PTN: variants seen among roughly 807,000 people sequenced by gnomAD.
PTN encodes heparin affin regulatory protein.
A neutral mutation model predicts 24.1 loss-of-function variants in PTN; 18 were observed. The ratio of observed to expected loss-of-function variants is 0.75; its 90% confidence interval spans 0.52 to 1.11. The LOEUF (loss-of-function observed/expected upper bound fraction) is 1.11. PTN is among the 50% of genes least tolerant of loss of function. The probability of loss-of-function intolerance (pLI) is 0.00; values close to 1 mark genes in which losing one functional copy is unlikely to be tolerated. For synonymous variants in PTN, 78 were observed against 68.6 expected (o/e 1.14, Z -0.67); for missense variants, 163 against 198.8 (o/e 0.82, Z 1.08).
chr7:137,238,273 A>T (rs1405403089), intron 4 of PTN, among the ~76,000 whole-genome samples: 2 of 152,188 alleles, frequency 1.3e-5, no homozygotes, highest in Admixed American at 1.3e-4. Context: ...TAGGAATGTC[A>T]TAGCGGAGGG....
intron 1 of PTN, among the ~76,000 whole-genome samples, chr7:137,289,274 T>C (rs1242459414): frequency 6.6e-6 from 1 of 152,210 alleles, no homozygotes; most frequent in Non-Finnish European, 1.5e-5. Flanking sequence ...CCCTAGCACT[T>C]TATCTTTCAA....
chr7:137,327,636 AAAAAG>A (rs1275242545), intron 1 of PTN, among the ~76,000 whole-genome samples: 7 of 152,160 alleles, frequency 4.6e-5, no homozygotes, highest in South Asian at 2.1e-4. Context: ...TCTCTAAAAG[AAAAAG>A]AAAAGAAAAT....
intron 1 of PTN, among the ~76,000 whole-genome samples, chr7:137,317,953 A>G (rs1441773649): frequency 6.6e-6 from 1 of 152,140 alleles, no homozygotes; most frequent in Non-Finnish European, 1.5e-5. Flanking sequence ...TAGACAAGAT[A>G]GACTTGACCC....
At chr7:137,233,508 C>T (rs907770571) in intron 4 of PTN, among the ~76,000 whole-genome samples, 3 of 151,916 alleles carry the variant, frequency 2.0e-5, no homozygotes, top group African/African-American at 7.3e-5. Context: ...TAAAGGTGAA[C>T]AAGACAAAAC....
chr7:137,288,851 C>G (rs1168057962), intron 1 of PTN, among the ~76,000 whole-genome samples: 1 of 152,040 alleles, frequency 6.6e-6, no homozygotes, highest in Non-Finnish European at 1.5e-5. Flanking sequence ...AAAATCATAC[C>G]TTCTGCTGGA....
In PTN at chr7:137,343,664, CGGG is replaced by C. The variant is rs1562977311; in HGVS notation, c.-230_-228del. On this transcript the variant is annotated 5_prime_UTR_variant, in exon 1 of 5. Transcript: ENST00000348225. ...TTGGCGGGATTTTTGGACTGGAAGG[CGGG>C]GAACCTGATCCTGCCTTTGACTCAA... is the stretch of plus-strand genomic sequence containing the variant. 5.8e-6 allele frequency: 3 copies of C among 515,730 alleles called. No homozygotes were observed. Among genetic ancestry groups the C allele is most frequent in the Non-Finnish European group, 1.2e-5 (3 of 258,332 alleles). 31.9% of individuals were successfully genotyped at this position (515,730 alleles called of 1,614,324 possible).
chr7:137,322,173 A>G (rs1157935350), intron 1 of PTN, among the ~76,000 whole-genome samples: 2 of 152,024 alleles, frequency 1.3e-5, no homozygotes, highest in East Asian at 1.9e-4. Flanking sequence ...CTTTTCCTTA[A>G]TTGAGAATGA....
intron 1 of PTN, among the ~76,000 whole-genome samples, chr7:137,278,306 CAAAAAAAAAAAAAAAAAA>C (rs71176391): frequency 1.6e-5 from 1 of 62,844 alleles, no homozygotes. Context: ...GACTCCGTCT[CAAAAAAAAAAAAAAAAAA>C]AAAAAAAAAA....
chr7:137,342,507 T>G (rs1218339522), intron 1 of PTN, among the ~76,000 whole-genome samples: 9 of 141,540 alleles, frequency 6.4e-5, no homozygotes, highest in African/African-American at 1.8e-4. Flanking sequence ...AGAGTGTATA[T>G]AAACTGCATG....
At chr7:137,314,176 C>T (rs1159996829) in intron 1 of PTN, among the ~76,000 whole-genome samples, 1 of 152,090 alleles carries the variant, frequency 6.6e-6, no homozygotes, top group Non-Finnish European at 1.5e-5. Flanking sequence ...TAAAGCATTG[C>T]TAAAATTTCC....
intron 1 of PTN, among the ~76,000 whole-genome samples, chr7:137,341,993 T>C (rs966548071): frequency 1.3e-5 from 2 of 152,240 alleles, no homozygotes; most frequent in African/African-American, 4.8e-5. Context: ...AACTGGACTA[T>C]ATTTTTTAAA....
intron 1 of PTN, among the ~76,000 whole-genome samples, chr7:137,327,282 A>G (rs73452992): frequency 0.022 from 3,405 of 152,182 alleles, 124 homozygotes; most frequent in African/African-American, 0.078. Flanking sequence ...ATTCCTTACA[A>G]TCTAACTTGA....
At chr7:137,319,501 T>C (rs747619051) in intron 1 of PTN, among the ~76,000 whole-genome samples, 1 of 152,204 alleles carries the variant, frequency 6.6e-6, no homozygotes, top group Non-Finnish European at 1.5e-5. Context: ...GAACATCTCT[T>C]TGTCACTTCA....
chr7:137,248,308 ATG>A (rs1248874670), intron 4 of PTN, among the ~76,000 whole-genome samples: 1 of 151,296 alleles, frequency 6.6e-6, no homozygotes, highest in African/African-American at 2.4e-5. Context: ...ATGCCATGGA[ATG>A]TGTGTGTGTG....
chr7:137,278,981 T>TAATAATAATA (rs1554466684), intron 1 of PTN, among the ~76,000 whole-genome samples: 7 of 140,410 alleles, frequency 5.0e-5, no homozygotes, highest in African/African-American at 1.8e-4. Context: ...ATAATAATAA[T>TAATAATAATA]AAAATAAAGA....
At chr7:137,321,461 G>T (rs117586290) in intron 1 of PTN, among the ~76,000 whole-genome samples, 1 of 152,106 alleles carries the variant, frequency 6.6e-6, no homozygotes, top group Non-Finnish European at 1.5e-5. Flanking sequence ...TCATGCTCAT[G>T]TGTTAATTGC....
At chr7:137,341,764 G>GA (rs1367519141) in intron 1 of PTN, among the ~76,000 whole-genome samples, 3 of 152,076 alleles carry the variant, frequency 2.0e-5, no homozygotes, top group African/African-American at 4.8e-5. Context: ...AGCAGTGGCA[G>GA]AAAAAAGATC....
chr7:137,294,658 C>T (rs995117560), intron 1 of PTN, among the ~76,000 whole-genome samples: 1 of 152,058 alleles, frequency 6.6e-6, no homozygotes, highest in African/African-American at 2.4e-5. Flanking sequence ...TACTGAAAAG[C>T]CCAGTATATA....
chr7:137,300,621 T>C (rs568586970), intron 1 of PTN, among the ~76,000 whole-genome samples: 1 of 151,990 alleles, frequency 6.6e-6, no homozygotes, highest in African/African-American at 2.4e-5. Flanking sequence ...ATTAGCTAAT[T>C]TGATAGCAGA....
Sources: allele counts gnomAD v4.1 joint callset (sites outside exome capture counted in the v4.1 genomes callset), GRCh38; gene constraint gnomAD v4.1.1; transcripts MANE v1.5; gene names NCBI Gene and HGNC (gene_info 2026-07-23, HGNC 2026-07-21).